PREP: variants seen among roughly 807,000 people sequenced by gnomAD.
PREP encodes dJ355L5.1 (prolyl endopeptidase).
In PREP, 29 loss-of-function variants were observed where a neutral mutation model predicts 87.6. That is an observed-to-expected ratio of 0.33 (90% confidence interval 0.25 to 0.45). The LOEUF (loss-of-function observed/expected upper bound fraction) is 0.45. Ranked by LOEUF, PREP falls within the 20% of genes least tolerant of loss-of-function variation. The pLI, the probability that PREP is intolerant of heterozygous loss-of-function variation, is 1.00. For synonymous variants in PREP, 337 were observed against 328.6 expected, an observed-to-expected ratio of 1.03 and a Z score of -0.28; for missense variants, 695 against 886.5, an observed-to-expected ratio of 0.78 and a Z score of 2.74.
intron 10 of PREP, among the ~76,000 whole-genome samples, chr6:105,317,470 A>G (rs1770906722): frequency 6.6e-6 from 1 of 152,154 alleles, no homozygotes; most frequent in Non-Finnish European, 1.5e-5. Flanking sequence ...CATTAGATGA[A>G]CTCTAATGTA....
intron 7 of PREP, among the ~76,000 whole-genome samples, chr6:105,343,941 A>G (rs1186824191): frequency 1.3e-5 from 2 of 152,228 alleles, no homozygotes; most frequent in Non-Finnish European, 2.9e-5. Context: ...AACTAGTTCA[A>G]CCATTGTGGA....
intron 7 of PREP, among the ~76,000 whole-genome samples, chr6:105,336,867 T>C (rs1285222607): frequency 4.6e-5 from 7 of 152,218 alleles, no homozygotes; most frequent in Non-Finnish European, 8.8e-5. Context: ...GTACTCTAGG[T>C]AGTTCCTTTA....
At position 105,330,187 on chromosome 6, in the gene PREP, A is replaced by G. The variant is rs1488724269; in HGVS notation, c.1016-1161T>C. Among the ~76,000 whole-genome samples the G allele has an allele frequency of 3.3e-5, 5 of 152,354 alleles. No homozygotes were observed. In the East Asian group the frequency reaches 9.6e-4, roughly 29 times the overall value. On this transcript the variant is annotated intron_variant, in intron 8 of 14. Coordinates refer to ENST00000652536, the MANE Select transcript of PREP (RefSeq NM_002726.5). The stretch of plus-strand genomic sequence containing the variant: ...TTTAGTTACCTGTGACTGTGGAGCC[A>G]CTGTCTGAACACAAGGGCAACATAA...
chr6:105,384,178 T>C (rs1484204689), intron 2 of PREP, among the ~76,000 whole-genome samples: 3 of 152,140 alleles, frequency 2.0e-5, no homozygotes. Context: ...AGACCACGGC[T>C]GGGCAGGACC....
chr6:105,363,523 T>C (rs1257653685), intron 6 of PREP, among the ~76,000 whole-genome samples: 1 of 152,170 alleles, frequency 6.6e-6, no homozygotes, highest in Non-Finnish European at 1.5e-5. Context: ...TGGCAGCTGT[T>C]TCATGTTACA....
At chr6:105,302,690 T>G (rs1446838308) in intron 10 of PREP, 1 of 500,776 alleles carries the variant, frequency 2.0e-6, no homozygotes, top group African/African-American at 2.0e-5. Context: ...ACACGGATCT[T>G]AGAGAGCTTG....
chr6:105,314,914 T>A (rs1770829645), intron 10 of PREP, among the ~76,000 whole-genome samples: 1 of 152,212 alleles, frequency 6.6e-6, no homozygotes, highest in African/African-American at 2.4e-5. Context: ...ATCCATGGGC[T>A]GCAGAATGGA....
intron 5 of PREP, among the ~76,000 whole-genome samples, chr6:105,372,575 AG>A (rs2114707994): frequency 6.6e-6 from 1 of 152,336 alleles, no homozygotes; most frequent in South Asian, 2.1e-4. Flanking sequence ...TGAACACAAC[AG>A]GATCTTTGTG....
intron 2 of PREP, among the ~76,000 whole-genome samples, chr6:105,381,488 T>C (rs1394912187): frequency 6.6e-6 from 1 of 152,164 alleles, no homozygotes; most frequent in Non-Finnish European, 1.5e-5. Context: ...AAGTGTTACA[T>C]GGTGATAAGG....
chr6:105,371,230 C>T (rs541718309), intron 5 of PREP, among the ~76,000 whole-genome samples: 28 of 152,178 alleles, frequency 1.8e-4, no homozygotes, highest in African/African-American at 6.5e-4. Flanking sequence ...ATCGGCCAGG[C>T]GTGGTGGCTC....
intron 10 of PREP, among the ~76,000 whole-genome samples, chr6:105,318,254 A>C (rs2114641128): frequency 6.6e-6 from 1 of 152,284 alleles, no homozygotes; most frequent in Middle Eastern, 3.4e-3. Flanking sequence ...TGTTTTCACC[A>C]ATAAGACATA....
intron 7 of PREP, among the ~76,000 whole-genome samples, chr6:105,350,706 G>A (rs1160804593): frequency 2.6e-5 from 4 of 152,158 alleles, no homozygotes; most frequent in African/African-American, 9.7e-5. Flanking sequence ...ACCTAAGAAT[G>A]AAAACTGATA....
At chr6:105,382,229 T>A (rs1772861386) in intron 2 of PREP, among the ~76,000 whole-genome samples, 1 of 150,886 alleles carries the variant, frequency 6.6e-6, no homozygotes, top group Non-Finnish European at 1.5e-5. Context: ...TACAACATGG[T>A]AACTGCCTGA....
Position 105,384,166 on chromosome 6 carries a change from C to G in PREP, c.121-6647G>C, listed in dbSNP as rs149448464. 4.2e-3 allele frequency among the ~76,000 whole-genome samples: 646 copies of G among 152,202 alleles called. 7 individuals are homozygous for G. Among genetic ancestry groups the G allele is most frequent in the African/African-American group, 0.014 (596 of 41,520 alleles). ...GCTGGCCAATCAGAATGTCCCTCCC[C>G]CAGACCACGGCTGGGCAGGACCTCA... is the stretch of plus-strand genomic sequence containing the variant. On this transcript the variant is annotated intron_variant, in intron 2 of 14. Coordinates refer to ENST00000652536, the MANE Select transcript of PREP (RefSeq NM_002726.5).
intron 5 of PREP, among the ~76,000 whole-genome samples, chr6:105,369,715 C>G (rs944438955): frequency 6.6e-6 from 1 of 152,138 alleles, no homozygotes; most frequent in Non-Finnish European, 1.5e-5. Context: ...AGATCTTACA[C>G]CCTTTACAGA....
chr6:105,374,627 A>T (rs1772638407), intron 4 of PREP, among the ~76,000 whole-genome samples: 1 of 111,162 alleles, frequency 9.0e-6, no homozygotes, highest in Non-Finnish European at 1.7e-5. Context: ...GAGTGTTTGA[A>T]TTGTTTATAT....
intron 10 of PREP, among the ~76,000 whole-genome samples, chr6:105,313,821 T>C (rs1436453208): frequency 6.6e-6 from 1 of 152,168 alleles, no homozygotes. Context: ...CTGAATATGA[T>C]CCTGAGAGAA....
Position 105,368,996 on chromosome 6 carries a change from T to C in PREP, c.624A>G (p.Gln208=). 1 of 1,613,982 alleles carries C rather than the reference T, an allele frequency of 6.2e-7. No individual in the cohort carries two copies. Among genetic ancestry groups the C allele is most frequent in the South Asian group, 1.1e-5 (1 of 91,072 alleles). Residue 208 remains glutamine, a synonymous_variant, in exon 6 of 15, where the codon CAA becomes CAG. Coordinates refer to ENST00000652536, the MANE Select transcript of PREP (RefSeq NM_002726.5). ...TTCCCAAGACATGGTAGTAGAGCTT[T>C]TGGTGGAGATTGGTAGATGTCTCTG... ...DGTETSTNLH[Q]KLYYHVLGTD... is the part of the protein sequence containing the mutation.
chr6:105,289,214 A>C lies in PREP; in HGVS notation c.1318-320T>G, dbSNP rs537348934. On this transcript the variant is annotated intron_variant, in intron 10 of 14. Transcript: ENST00000652536. ...ATCCCCACATGTGGCCATCGTGCCC[A>C]CCTCTCCAGGCCTTCCCGGGGCACA... Among the ~76,000 whole-genome samples, 30 of 151,916 alleles carry C rather than the reference A, an allele frequency of 2.0e-4. No homozygotes were observed. In the South Asian group the frequency reaches 2.9e-3, roughly 15 times the overall value.
Sources: allele counts gnomAD v4.1 joint callset (sites outside exome capture counted in the v4.1 genomes callset), GRCh38; gene constraint gnomAD v4.1.1; transcripts MANE v1.5; gene names NCBI Gene and HGNC (gene_info 2026-07-23, HGNC 2026-07-21).